SLC38A12: variants seen among roughly 807,000 people sequenced by gnomAD.
SLC38A12 encodes the protein putative sodium-coupled neutral amino acid transporter 12.
chr17:74,780,169 G>A, the SLC38A12 span, among the ~76,000 whole-genome samples: 1 of 152,222 alleles, frequency 6.6e-6, no homozygotes, highest in South Asian at 2.1e-4. Flanking sequence ...AAGGAGAGAG[G>A]CTTGTTTCAC....
chr17:74,815,920 G>A, the SLC38A12 span, among the ~76,000 whole-genome samples: 6 of 152,246 alleles, frequency 3.9e-5, no homozygotes, highest in South Asian at 2.1e-4. Flanking sequence ...CAGTACTTCC[G>A]GGTCCTCAGC....
At chr17:74,791,541 C>A in the SLC38A12 span, among the ~76,000 whole-genome samples, 3 of 152,274 alleles carry the variant, frequency 2.0e-5, no homozygotes, top group African/African-American at 7.2e-5. Flanking sequence ...TTTGCACCTC[C>A]TGCTTGATTG....
chr17:74,777,163 T>G, the SLC38A12 span: 1 of 733,612 alleles, frequency 1.4e-6, no homozygotes, highest in South Asian at 1.5e-5. Context: ...GCCCTAAGTG[T>G]CTGTGATAAA....
chr17:74,791,428 AACCCCAGGCAGCT>A, the SLC38A12 span, among the ~76,000 whole-genome samples: 1 of 152,056 alleles, frequency 6.6e-6, no homozygotes, highest in South Asian at 2.1e-4. Context: ...GAGGGTCAGG[AACCCCAGGCAGCT>A]ACTCCAGTGG....
chr17:74,837,696 CCCCCACT>C, the SLC38A12 span: 1 of 985,734 alleles, frequency 1.0e-6, no homozygotes, highest in Non-Finnish European at 1.2e-6. Context: ...TTGGATGGGG[CCCCCACT>C]TCCATTCCCA....
At chr17:74,815,525 C>T in the SLC38A12 span, among the ~76,000 whole-genome samples, 1 of 152,170 alleles carries the variant, frequency 6.6e-6, no homozygotes, top group South Asian at 2.1e-4. Context: ...TACTTTTGTG[C>T]TCTAATGTTG....
the SLC38A12 span, among the ~76,000 whole-genome samples, chr17:74,809,143 C>T: frequency 3.3e-5 from 5 of 152,272 alleles, no homozygotes; most frequent in Non-Finnish European, 7.4e-5. Context: ...ATGTCATTTA[C>T]GTAGGGGTAC....
chr17:74,789,437 C>T, the SLC38A12 span, among the ~76,000 whole-genome samples: 2 of 147,402 alleles, frequency 1.4e-5, no homozygotes, highest in Non-Finnish European at 3.0e-5. Context: ...GGCTGAGGCA[C>T]AAGAATTGCG....
chr17:74,819,920 AG>A, the SLC38A12 span: 1 of 1,349,558 alleles, frequency 7.4e-7, no homozygotes. Context: ...GAGGCCGTGC[AG>A]GGCCCCCAGC....
At chr17:74,792,777 C>T in the SLC38A12 span, among the ~76,000 whole-genome samples, 1 of 152,268 alleles carries the variant, frequency 6.6e-6, no homozygotes, top group Non-Finnish European at 1.5e-5. Context: ...TTCACCCTCC[C>T]TGCTGGACCG....
At chr17:74,789,599 A>G in the SLC38A12 span, among the ~76,000 whole-genome samples, 169 of 151,392 alleles carry the variant, frequency 1.1e-3, no homozygotes, top group African/African-American at 3.8e-3. Context: ...CAATCCCAGC[A>G]CTTTGGGAGG....
the SLC38A12 span, among the ~76,000 whole-genome samples, chr17:74,828,567 C>T: frequency 6.6e-6 from 1 of 152,126 alleles, no homozygotes; most frequent in Non-Finnish European, 1.5e-5. Flanking sequence ...CTCTATGGCT[C>T]CCAAGAGCCT....
At chr17:74,783,865 G>T in the SLC38A12 span, among the ~76,000 whole-genome samples, 1 of 151,248 alleles carries the variant, frequency 6.6e-6, no homozygotes, top group African/African-American at 2.4e-5. Context: ...TGAGTAGCTG[G>T]GATTACAGGC....
At chr17:74,787,631 A>C in the SLC38A12 span, among the ~76,000 whole-genome samples, 14 of 148,560 alleles carry the variant, frequency 9.4e-5, no homozygotes, top group South Asian at 2.1e-4. Flanking sequence ...TCCGTCTCAA[A>C]AAAAAAAAAA....
chr17:74,832,076 AG>A, the SLC38A12 span, among the ~76,000 whole-genome samples: 1 of 149,588 alleles, frequency 6.7e-6, no homozygotes, highest in African/African-American at 2.4e-5. Context: ...GGGCCAGACA[AG>A]GGGGTGGGGC....
the SLC38A12 span, among the ~76,000 whole-genome samples, chr17:74,783,280 G>GA: frequency 6.6e-6 from 1 of 152,234 alleles, no homozygotes; most frequent in Admixed American, 6.5e-5. Context: ...AATGCAGAGA[G>GA]AAGTGAGACG....
the SLC38A12 span, among the ~76,000 whole-genome samples, chr17:74,810,294 C>T: frequency 2.6e-5 from 4 of 152,202 alleles, no homozygotes; most frequent in Admixed American, 1.3e-4. Flanking sequence ...AGGCATCAAC[C>T]GTCAGTTCTG....
the SLC38A12 span, among the ~76,000 whole-genome samples, chr17:74,820,497 T>C: frequency 3.9e-5 from 6 of 152,228 alleles, no homozygotes; most frequent in African/African-American, 1.4e-4. Flanking sequence ...GCCAGCCACC[T>C]CTGGGAAAGG....
chr17:74,837,257 T>C, the SLC38A12 span: 1 of 985,516 alleles, frequency 1.0e-6, no homozygotes, highest in African/African-American at 1.7e-5. Context: ...AGGGCCTGGC[T>C]GGCCCCATGA....
Sources: gnomAD v4.1 joint callset for allele counts (sites outside exome capture counted in the v4.1 genomes callset) on GRCh38, gnomAD v4.1.1 for gene constraint, MANE v1.5 for transcripts, NCBI Gene and HGNC (gene_info 2026-07-23, HGNC 2026-07-21) for gene names.